Variants in PARD3B observed in about 807,000 individuals in gnomAD.
The protein encoded by PARD3B is par-3 family cell polarity regulator beta, also known as partitioning defective 3 homolog B.
In PARD3B, 103 loss-of-function variants were observed where a neutral mutation model predicts 130.2. The observed-to-expected ratio is 0.79, with a 90% CI of 0.67 to 0.93. PARD3B has a LOEUF of 0.93. Among genes scored for constraint, PARD3B ranks in the 40% least tolerant of loss-of-function variants. PARD3B has a pLI of 0.00. For synonymous variants in PARD3B, 583 were observed against 553.2 expected, an observed-to-expected ratio of 1.05 and a Z score of -0.76; for missense variants, 1,609 against 1,499.2, an observed-to-expected ratio of 1.07 and a Z score of -1.21.
At position 205,121,708 on chromosome 2, in the gene PARD3B, T is replaced by G; in HGVS notation, c.924T>G (p.Gly308=). The change falls in exon 8 of 23, where the codon GGT becomes GGG. Residue 308 remains glycine, a synonymous_variant. Coordinates refer to ENST00000406610, the MANE Select transcript of PARD3B (RefSeq NM_001302769.2). This position sits in a 1 kb window ranked among gnomAD's most constrained non-coding sequence, Gnocchi z 5.0. The stretch of plus-strand genomic sequence containing the variant: ...TCATTGGCTCTCTTAACATTTTTGG[T>G]AATAATGATGGCGTTTTGAAAACCA... ...KSVIGSLNIF[G]NNDGVLKTKV... The G allele has an allele frequency of 6.2e-7, 1 of 1,614,062 alleles. No homozygotes were observed.
chr2:205,369,361 G>C (rs2044725947), intron 18 of PARD3B, among the ~76,000 whole-genome samples: 1 of 152,054 alleles, frequency 6.6e-6, no homozygotes, highest in Non-Finnish European at 1.5e-5. Context: ...GCTCCTAACT[G>C]GTCTACCTCC....
chr2:205,009,889 C>G (rs1193773579), intron 3 of PARD3B, among the ~76,000 whole-genome samples: 7 of 152,026 alleles, frequency 4.6e-5, no homozygotes, highest in Admixed American at 1.3e-4. Flanking sequence ...TCCTTAAGTT[C>G]AGATTAAATA....
At chr2:205,031,274 A>G (rs942481941) in intron 3 of PARD3B, among the ~76,000 whole-genome samples, 1 of 152,060 alleles carries the variant, frequency 6.6e-6, no homozygotes, top group Non-Finnish European at 1.5e-5. Flanking sequence ...CTAGATGGAT[A>G]GCATAGAATG....
intron 2 of PARD3B, among the ~76,000 whole-genome samples, chr2:204,910,819 T>G (rs2047207548): frequency 6.6e-6 from 1 of 152,124 alleles, no homozygotes; most frequent in African/African-American, 2.4e-5. Flanking sequence ...TTTTTTGTAT[T>G]TTTCAGTAGA....
chr2:205,080,649 C>G (rs1352856605), intron 4 of PARD3B, among the ~76,000 whole-genome samples: 1 of 152,032 alleles, frequency 6.6e-6, no homozygotes, highest in Non-Finnish European at 1.5e-5. Context: ...CTTTGGTGCA[C>G]AAATGTACAT....
At chr2:204,629,927 T>A (rs750164212) in intron 1 of PARD3B, among the ~76,000 whole-genome samples, 1 of 152,188 alleles carries the variant, frequency 6.6e-6, no homozygotes, top group Non-Finnish European at 1.5e-5. Context: ...TACCGAAAAG[T>A]TATTGATGTG....
intron 1 of PARD3B, among the ~76,000 whole-genome samples, chr2:204,666,199 C>A (rs2036015250): frequency 6.6e-6 from 1 of 152,028 alleles, no homozygotes. Context: ...AGCAACTAAT[C>A]ATAGAGGCAA....
In PARD3B at chr2:205,291,815, G is replaced by T. The variant is rs2105875417; in HGVS notation, c.2186-8715G>T. 6.6e-6 allele frequency among the ~76,000 whole-genome samples: 1 copy of T among 152,300 alleles called. No homozygotes were observed. Among genetic ancestry groups the T allele is most frequent in the East Asian group, 1.9e-4 (1 of 5,186 alleles). ...AGCCTGTTTGGGAAAGAATACTAAG[G>T]ATGTGGTCAAACAACTGTTTGATAA... is the stretch of plus-strand genomic sequence containing the variant. On this transcript the variant is annotated intron_variant, in intron 16 of 22. Transcript: ENST00000406610. The surrounding 1 kb of genome is among the most constrained non-coding windows in gnomAD (Gnocchi z 4.6).
chr2:204,850,757 T>C lies in PARD3B; in HGVS notation c.223-114395T>C, dbSNP rs568234632. The stretch of plus-strand genomic sequence containing the variant: ...GCTGAAACATGTGACTGCCTATGAG[T>C]TTGCATAGTTTGTGAGCTAGGGCAG... On this transcript the variant is annotated intron_variant, in intron 2 of 22. Coordinates refer to ENST00000406610, the MANE Select transcript of PARD3B (RefSeq NM_001302769.2). Among the ~76,000 whole-genome samples the C allele has an allele frequency of 4.6e-5, 7 of 152,284 alleles. No homozygotes were observed. The South Asian group carries it at 1.5e-3, about 32-fold the overall frequency.
At chr2:205,393,660 A>G (rs2045931007) in intron 18 of PARD3B, among the ~76,000 whole-genome samples, 1 of 152,170 alleles carries the variant, frequency 6.6e-6, no homozygotes, top group African/African-American at 2.4e-5. Flanking sequence ...GCTCAGGATC[A>G]CTTTTGTATA....
At chr2:205,123,476 A>G (rs1450876433) in intron 8 of PARD3B, among the ~76,000 whole-genome samples, 1 of 152,134 alleles carries the variant, frequency 6.6e-6, no homozygotes, top group Non-Finnish European at 1.5e-5. Context: ...ACTTGGATCC[A>G]GGAGCTGGCC....
chr2:204,571,316 T>C (rs2031993372), intron 1 of PARD3B, among the ~76,000 whole-genome samples: 1 of 152,200 alleles, frequency 6.6e-6, no homozygotes, highest in African/African-American at 2.4e-5. Context: ...GAGTAGCTTA[T>C]CTCTAAAGCT....
At chr2:205,524,675 G>A (rs1413426480) in intron 21 of PARD3B, among the ~76,000 whole-genome samples, 1 of 152,086 alleles carries the variant, frequency 6.6e-6, no homozygotes, top group Non-Finnish European at 1.5e-5. Flanking sequence ...GACTTTCCAG[G>A]TGTGCTGTTC....
At position 205,231,578 on chromosome 2, in the gene PARD3B, C is replaced by T. The variant is rs535444988; in HGVS notation, c.2141-14200C>T. On this transcript the variant is annotated intron_variant, in intron 15 of 22. Transcript: ENST00000406610. ...TGTCAAACTTCTGGACTCAAGTGATCCACCTACCTTGGCCTCCCAAAGTAC... is the reference window on the plus strand; with the variant it reads ...TGTCAAACTTCTGGACTCAAGTGATTCACCTACCTTGGCCTCCCAAAGTAC... Among the ~76,000 whole-genome samples, 47 of 151,016 alleles carry T rather than the reference C, an allele frequency of 3.1e-4. 1 individual carries two copies. Among genetic ancestry groups the T allele is most frequent in the Non-Finnish European group, 5.2e-4 (35 of 67,870 alleles).
intron 5 of PARD3B, among the ~76,000 whole-genome samples, chr2:205,111,740 T>C (rs1007507959): frequency 1.3e-5 from 2 of 152,064 alleles, no homozygotes; most frequent in African/African-American, 4.8e-5. Context: ...TAGGAAAGAT[T>C]TGTGTTGTGC....
rs7565154 is a variant in PARD3B at position 205,461,868 on chromosome 2, A to G, written c.3044+21196A>G. ...GGTGTCTTTCTTCTTTCAGCAGTTT[A>G]ATAGTCATCATCAGTTCCTTAACTG... On this transcript the variant is annotated intron_variant, in intron 20 of 22. Coordinates refer to ENST00000406610, the MANE Select transcript of PARD3B (RefSeq NM_001302769.2). The surrounding 1 kb of genome is among the most constrained non-coding windows in gnomAD (Gnocchi z 4.3). Among the ~76,000 whole-genome samples the G allele has an allele frequency of 0.16, 24,211 of 152,182 alleles. 3,522 individuals are homozygous for G. The highest frequency in any genetic ancestry group is 0.39 in the African/African-American group (16,273 of 41,494).
intron 18 of PARD3B, among the ~76,000 whole-genome samples, chr2:205,320,953 C>T (rs1029040758): frequency 6.6e-6 from 1 of 152,188 alleles, no homozygotes; most frequent in Non-Finnish European, 1.5e-5. Flanking sequence ...CTCTTAAATA[C>T]ATACACTCAG....
At chr2:204,932,070 G>A (rs1391729779) in intron 2 of PARD3B, among the ~76,000 whole-genome samples, 1 of 151,994 alleles carries the variant, frequency 6.6e-6, no homozygotes, top group Non-Finnish European at 1.5e-5. Context: ...TAGGTCAAAA[G>A]GTAAGCTACA....
At chr2:204,696,372 C>T (rs756498152) in intron 2 of PARD3B, among the ~76,000 whole-genome samples, 1 of 151,970 alleles carries the variant, frequency 6.6e-6, no homozygotes, top group Non-Finnish European at 1.5e-5. Context: ...GATAGTTTCA[C>T]CAAGAGATAT....
Sources: gnomAD v4.1 joint callset for allele counts (sites outside exome capture counted in the v4.1 genomes callset) on GRCh38, gnomAD v4.1.1 for gene constraint, Gnocchi (gnomAD v3.1) non-coding constraint, MANE v1.5 for transcripts, NCBI Gene and HGNC (gene_info 2026-07-23, HGNC 2026-07-21) for gene names.